The following PRKCZ variants were observed in gnomAD, a reference collection of about 807,000 sequenced individuals.
The protein encoded by PRKCZ is protein kinase C zeta.
In PRKCZ, 33 loss-of-function variants were observed where a neutral mutation model predicts 79.5. The observed-to-expected ratio is 0.41, with a 90% CI of 0.31 to 0.55. The LOEUF (loss-of-function observed/expected upper bound fraction) is 0.55, where lower values mean the gene tolerates loss of function less well. Ranked by LOEUF, PRKCZ falls within the 20% of genes least tolerant of loss-of-function variation. The pLI, the probability that PRKCZ is intolerant of heterozygous loss-of-function variation, is 0.19. For missense variants in PRKCZ, 578 were observed against 813.5 expected, an observed-to-expected ratio of 0.71 and a Z score of 3.52; for synonymous variants, 342 against 320.9, an observed-to-expected ratio of 1.07 and a Z score of -0.70.
At chr1:2,084,807 G>A (rs1433351520) in intron 4 of PRKCZ, among the ~76,000 whole-genome samples, 2 of 151,986 alleles carry the variant, frequency 1.3e-5, no homozygotes, top group East Asian at 1.9e-4. Flanking sequence ...GAGTTTTCAA[G>A]ACCAGCCTGG....
At chr1:2,081,144 T>C (rs1030344893) in intron 4 of PRKCZ, among the ~76,000 whole-genome samples, 3 of 152,264 alleles carry the variant, frequency 2.0e-5, no homozygotes, top group African/African-American at 7.2e-5. Context: ...ACATACGTGA[T>C]GTCAAGTTTT....
Position 2,184,663 on chromosome 1 carries a change from C to T in PRKCZ, c.1656C>T (p.Phe552=). The T allele has an allele frequency of 6.2e-7, 1 of 1,614,002 alleles. No individual in the cohort carries two copies. The highest frequency in any genetic ancestry group is 8.5e-7 in the Non-Finnish European group (1 of 1,179,990). The change falls in exon 17 of 18, where the codon TTC becomes TTT. Residue 552 remains phenylalanine, a synonymous_variant. Coordinates refer to ENST00000378567, the MANE Select transcript of PRKCZ (RefSeq NM_002744.6). Reference sequence around the variant, plus strand: ...GTCTGGACAACTTTGACACACAGTTCACCAGCGAGCCCGTGCAGCTGACCC... The same window carrying T: ...GTCTGGACAACTTTGACACACAGTTTACCAGCGAGCCCGTGCAGCTGACCC... ...DYGLDNFDTQ[F]TSEPVQLTPD...
At chr1:2,129,168 A>G (rs1674496336) in intron 4 of PRKCZ, among the ~76,000 whole-genome samples, 1 of 152,130 alleles carries the variant, frequency 6.6e-6, no homozygotes, top group Non-Finnish European at 1.5e-5. Flanking sequence ...AATTGCCTGA[A>G]GTTCGAAGGT....
Position 2,094,589 on chromosome 1 carries a change from CGCCCGCTGTGCCCGGCTCG to C in PRKCZ, c.334+34999_334+35017del. Among the ~76,000 whole-genome samples, 1 of 95,006 alleles carries C rather than the reference CGCCCGCTGTGCCCGGCTCG, an allele frequency of 1.1e-5. No individual in the cohort carries two copies. The highest frequency in any genetic ancestry group is 5.1e-4 in the East Asian group (1 of 1,966). 62.3% of individuals were successfully genotyped at this position (95,006 alleles called of 152,430 possible). A position where few individuals can be genotyped will look rare whatever the true frequency, so the allele number is the denominator to read the frequency against. ...ACCTTGGGCGCTGCCCGTTCTGAGG[CGCCCGCTGTGCCCGGCTCG>C]ATGAACCTTGGGCGCTGCCCGTTCT... On this transcript the variant is annotated intron_variant, in intron 4 of 17. Coordinates refer to ENST00000378567, the MANE Select transcript of PRKCZ (RefSeq NM_002744.6). This position sits in a 1 kb window ranked among gnomAD's most constrained non-coding sequence, Gnocchi z 7.3.
intron 4 of PRKCZ, among the ~76,000 whole-genome samples, chr1:2,060,268 C>T (rs1012195127): frequency 1.1e-4 from 16 of 152,168 alleles, no homozygotes; most frequent in Non-Finnish European, 1.9e-4. Context: ...GCGCAGGGCA[C>T]GTGGCTCAGT....
chr1:2,088,060 C>G (rs1664844871), intron 4 of PRKCZ, among the ~76,000 whole-genome samples: 1 of 152,218 alleles, frequency 6.6e-6, no homozygotes, highest in Non-Finnish European at 1.5e-5. Flanking sequence ...GCGGCTTTCT[C>G]TGCTGTGTGG....
Position 2,094,426 on chromosome 1 carries a change from G to C in PRKCZ, c.334+34835G>C, listed in dbSNP as rs1432600773. On this transcript the variant is annotated intron_variant, in intron 4 of 17. Transcript: ENST00000378567. The surrounding 1 kb of genome is among the most constrained non-coding windows in gnomAD (Gnocchi z 7.3). ...GTGCCCGGCTCGTTGAACCTTGGGC[G>C]CTGCCCGTTCTGAGGCACCCGCTGT... 6.6e-6 allele frequency among the ~76,000 whole-genome samples: 1 copy of C among 150,896 alleles called. No individual in the cohort carries two copies. The highest frequency in any genetic ancestry group is 1.5e-5 in the Non-Finnish European group (1 of 67,718).
chr1:2,061,563 CA>C (rs1217167416), intron 4 of PRKCZ, among the ~76,000 whole-genome samples: 3 of 152,138 alleles, frequency 2.0e-5, no homozygotes, highest in Admixed American at 6.5e-5. Flanking sequence ...AGATGTTTAC[CA>C]GGGGTGGCTC....
intron 4 of PRKCZ, among the ~76,000 whole-genome samples, chr1:2,068,312 AGCTGGGAG>A (rs1661291912): frequency 1.3e-5 from 2 of 152,174 alleles, no homozygotes; most frequent in African/African-American, 4.8e-5. Flanking sequence ...GGGAAGCTGG[AGCTGGGAG>A]GCTGCAGACC....
chr1:2,050,962 G>A, intron 1 of PRKCZ: 1 of 359,342 alleles, frequency 2.8e-6, no homozygotes, highest in Non-Finnish European at 5.0e-6. Flanking sequence ...CGGTCATTGT[G>A]GTAGACGTTT....
rs1677932825 is a variant in PRKCZ at position 2,143,916 on chromosome 1, C to A, written c.421-294C>A. On this transcript the variant is annotated intron_variant, in intron 5 of 17. Transcript: ENST00000378567. ...GCCCCTGCAAGCCACGGGGCCTTGC[C>A]TGAAGCAGCACCTCGTCACCCCTGC... 5.6e-5 allele frequency: 18 copies of A among 323,556 alleles called. No individual in the cohort carries two copies. The South Asian group carries it at 7.1e-4, about 13-fold the overall frequency. The allele number at this position is 323,556 out of a possible 1,614,324, so 20.0% of individuals were successfully genotyped here.
intron 4 of PRKCZ, among the ~76,000 whole-genome samples, chr1:2,102,491 T>C (rs973078580): frequency 1.5e-4 from 22 of 150,776 alleles, no homozygotes; most frequent in East Asian, 4.0e-4. Context: ...CACCACCACG[T>C]CCCGCTAATT....
chr1:2,099,747 A>G (rs1223511601), intron 4 of PRKCZ, among the ~76,000 whole-genome samples: 2 of 152,166 alleles, frequency 1.3e-5, no homozygotes, highest in African/African-American at 4.8e-5. Flanking sequence ...TTAGTTGCAC[A>G]TTTCATGACT....
chr1:2,184,565 T>C lies in PRKCZ; in HGVS notation c.1576-18T>C. On this transcript the variant is annotated intron_variant, in intron 16 of 17. Coordinates refer to ENST00000378567, the MANE Select transcript of PRKCZ (RefSeq NM_002744.6). ...GATGCCCGCGCGGAGCTGACCCTTC[T>C]CCTATTGTTTTTCCAAGCTGGAGAA... 1.9e-6 allele frequency: 3 copies of C among 1,607,488 alleles called. No homozygotes were observed. Among genetic ancestry groups the C allele is most frequent in the Non-Finnish European group, 2.6e-6 (3 of 1,174,956 alleles).
At chr1:2,113,973 C>T (rs904722422) in intron 4 of PRKCZ, among the ~76,000 whole-genome samples, 4 of 152,130 alleles carry the variant, frequency 2.6e-5, no homozygotes, top group African/African-American at 9.7e-5. Flanking sequence ...TTGGGTGCCA[C>T]CGGTCAAGGG....
chr1:2,145,990 A>G (rs767725354), intron 6 of PRKCZ, 37 bp from the exon 7 acceptor site: 1 of 1,547,712 alleles, frequency 6.5e-7, no homozygotes, highest in South Asian at 1.1e-5. Flanking sequence ...CTGCTCTAGC[A>G]CTTGGTCATG....
chr1:2,171,966 G>A (rs902061186), intron 11 of PRKCZ, 89 bp from the exon 12 acceptor site: 62 of 1,470,162 alleles, frequency 4.2e-5, no homozygotes, highest in Non-Finnish European at 5.5e-5. Flanking sequence ...CCGTGGTGGG[G>A]CAAACGGGAG....
intron 4 of PRKCZ, among the ~76,000 whole-genome samples, chr1:2,072,733 C>T (rs1315307192): frequency 6.6e-6 from 1 of 152,108 alleles, no homozygotes; most frequent in Non-Finnish European, 1.5e-5. Flanking sequence ...TCGGGGCCGT[C>T]CCTCCAGGGT....
At chr1:2,115,410 G>T (rs916655526) in intron 4 of PRKCZ, among the ~76,000 whole-genome samples, 1 of 152,242 alleles carries the variant, frequency 6.6e-6, no homozygotes, top group Non-Finnish European at 1.5e-5. Context: ...TTTCCCTCGC[G>T]TGGCCGCACC....
Sources: allele counts gnomAD v4.1 joint callset (sites outside exome capture counted in the v4.1 genomes callset), GRCh38; gene constraint gnomAD v4.1.1; non-coding constraint Gnocchi (gnomAD v3.1); transcripts MANE v1.5; gene names NCBI Gene and HGNC (gene_info 2026-07-23, HGNC 2026-07-21).